The following ADCY2 variants were observed in gnomAD, a reference collection of about 807,000 sequenced individuals.
The protein encoded by ADCY2 is adenylate cyclase 2, also known as adenylate cyclase type 2.
Under a neutral mutation model 125.2 loss-of-function variants are expected in ADCY2, and 31 were observed. That is an observed-to-expected ratio of 0.25 (90% confidence interval 0.19 to 0.33). The LOEUF is 0.33. Among genes scored for constraint, ADCY2 ranks in the 10% least tolerant of loss-of-function variants. The pLI, the probability that ADCY2 is intolerant of heterozygous loss-of-function variation, is 1.00. For synonymous variants in ADCY2, 512 were observed against 548.4 expected (o/e 0.93, Z 0.93); for missense variants, 904 against 1,418.2 (o/e 0.64, Z 5.82).
chr5:7,565,680 A>G (rs1469915614), intron 3 of ADCY2, among the ~76,000 whole-genome samples: 1 of 152,212 alleles, frequency 6.6e-6, no homozygotes, highest in Non-Finnish European at 1.5e-5. Context: ...ATAACAATGT[A>G]GACCAGTATC....
intron 2 of ADCY2, among the ~76,000 whole-genome samples, chr5:7,418,180 C>T (rs1303302946): frequency 1.3e-5 from 2 of 152,136 alleles, no homozygotes; most frequent in East Asian, 1.9e-4. Flanking sequence ...TTTGCTTTTA[C>T]GTACATCTTG....
intron 3 of ADCY2, among the ~76,000 whole-genome samples, chr5:7,560,261 A>T (rs555073765): frequency 2.6e-4 from 39 of 152,342 alleles, no homozygotes; most frequent in African/African-American, 8.7e-4. Context: ...ACTGGATGCC[A>T]GTTGCCTCTC....
intron 20 of ADCY2, among the ~76,000 whole-genome samples, chr5:7,791,558 C>G (rs1053483732): frequency 6.6e-6 from 1 of 152,118 alleles, no homozygotes; most frequent in Admixed American, 6.5e-5. Context: ...GTCTCATGGC[C>G]CACTGGCTTT....
chr5:7,518,657 A>G (rs1744335287), intron 2 of ADCY2, among the ~76,000 whole-genome samples: 1 of 152,136 alleles, frequency 6.6e-6, no homozygotes, highest in South Asian at 2.1e-4. Context: ...CATGAAGCAG[A>G]TGGTCCATGC....
At chr5:7,756,727 G>A (rs1743004229) in intron 15 of ADCY2, among the ~76,000 whole-genome samples, 2 of 152,168 alleles carry the variant, frequency 1.3e-5, no homozygotes, top group Admixed American at 6.5e-5. Flanking sequence ...TTTCAATTTG[G>A]TAAGACTGAA....
In ADCY2 at chr5:7,684,830, A is replaced by G. The variant is rs560212400; in HGVS notation, c.721-5861A>G. On this transcript the variant is annotated intron_variant, in intron 4 of 24. Transcript: ENST00000338316. ...AATCTAAATGATATTATATGTGACC[A>G]GGGTTTGTTAAGTGAGAAAATAAGA... Among the ~76,000 whole-genome samples, 14 of 150,120 alleles carry G rather than the reference A, an allele frequency of 9.3e-5. No individual in the cohort carries two copies. In the South Asian group the frequency reaches 1.9e-3, roughly 20 times the overall value.
At chr5:7,783,682 T>G (rs1743991797) in intron 18 of ADCY2, among the ~76,000 whole-genome samples, 1 of 152,216 alleles carries the variant, frequency 6.6e-6, no homozygotes. Flanking sequence ...TCCTATGTAA[T>G]GTTCGCATGT....
intron 3 of ADCY2, among the ~76,000 whole-genome samples, chr5:7,554,534 T>TA (rs1466351819): frequency 6.6e-6 from 1 of 152,170 alleles, no homozygotes; most frequent in African/African-American, 2.4e-5. Context: ...GTGGTTCTTT[T>TA]AAAAAAATAT....
At chr5:7,726,738 G>A (rs1184375150) in intron 13 of ADCY2, among the ~76,000 whole-genome samples, 1 of 152,168 alleles carries the variant, frequency 6.6e-6, no homozygotes, top group Non-Finnish European at 1.5e-5. Flanking sequence ...AAATGAATAT[G>A]TCTTGCATTT....
intron 3 of ADCY2, among the ~76,000 whole-genome samples, chr5:7,570,273 C>T (rs978967013): frequency 1.3e-5 from 2 of 152,030 alleles, no homozygotes; most frequent in African/African-American, 4.8e-5. Flanking sequence ...ACTTTTGGAC[C>T]AGAACAGCTG....
chr5:7,587,382 G>A (rs2126619862), intron 3 of ADCY2, among the ~76,000 whole-genome samples: 1 of 152,332 alleles, frequency 6.6e-6, no homozygotes. Context: ...TCTGTTGCGA[G>A]ATGCTTGATG....
intron 2 of ADCY2, among the ~76,000 whole-genome samples, chr5:7,499,787 G>A (rs1381585232): frequency 1.3e-5 from 2 of 148,514 alleles, no homozygotes. Flanking sequence ...TAATGAAAAA[G>A]CAAAGAAAAC....
At chr5:7,655,796 A>G (rs1167349790) in intron 4 of ADCY2, among the ~76,000 whole-genome samples, 1 of 152,236 alleles carries the variant, frequency 6.6e-6, no homozygotes, top group African/African-American at 2.4e-5. Flanking sequence ...GTAAATGTAC[A>G]GTTAGATGGT....
At chr5:7,775,181 G>GTGTGTA (rs1451574194) in intron 18 of ADCY2, among the ~76,000 whole-genome samples, 1 of 142,228 alleles carries the variant, frequency 7.0e-6, no homozygotes, top group Non-Finnish European at 1.5e-5. Flanking sequence ...TACTTTGTGT[G>GTGTGTA]TGTGTGTGTG....
intron 3 of ADCY2, among the ~76,000 whole-genome samples, chr5:7,581,579 G>C (rs1358214321): frequency 1.3e-5 from 2 of 152,032 alleles, no homozygotes; most frequent in Non-Finnish European, 2.9e-5. Flanking sequence ...TAGCACTTTG[G>C]GGGGCCGAAG....
intron 3 of ADCY2, among the ~76,000 whole-genome samples, chr5:7,523,527 T>C (rs1744539479): frequency 6.6e-6 from 1 of 152,214 alleles, no homozygotes; most frequent in Non-Finnish European, 1.5e-5. Context: ...ATTTCCCATT[T>C]TCTCAGAAAC....
chr5:7,566,189 G>A (rs974513207), intron 3 of ADCY2, among the ~76,000 whole-genome samples: 4 of 152,142 alleles, frequency 2.6e-5, no homozygotes, highest in South Asian at 2.1e-4. Context: ...TCCCATCAAC[G>A]TTGAGAAAGG....
In ADCY2 at chr5:7,472,635, C is replaced by T. The variant is rs188316816; in HGVS notation, c.409-48103C>T. ...GCTTTATGAATAGGACAGCAGAGAC[C>T]GAGACAGATCAAATTTATGCCTAGA... is the stretch of plus-strand genomic sequence containing the variant. On this transcript the variant is annotated intron_variant, in intron 2 of 24. Transcript: ENST00000338316. Among the ~76,000 whole-genome samples the T allele has an allele frequency of 2.3e-3, 350 of 152,138 alleles. 1 individual carries two copies. Among genetic ancestry groups the T allele is most frequent in the Non-Finnish European group, 3.6e-3 (244 of 67,986 alleles).
chr5:7,544,218 C>T (rs935987253), intron 3 of ADCY2, among the ~76,000 whole-genome samples: 1 of 152,092 alleles, frequency 6.6e-6, no homozygotes, highest in Non-Finnish European at 1.5e-5. Context: ...CAGCTGAGGC[C>T]AGCAGGCAGC....
Sources: gnomAD v4.1 joint callset for allele counts (sites outside exome capture counted in the v4.1 genomes callset) on GRCh38, gnomAD v4.1.1 for gene constraint, MANE v1.5 for transcripts, NCBI Gene and HGNC (gene_info 2026-07-23, HGNC 2026-07-21) for gene names.